RANBP2: variants seen among roughly 807,000 people sequenced by gnomAD.
RANBP2 encodes the protein E3 SUMO-protein ligase RanBP2.
A neutral mutation model predicts 303.6 loss-of-function variants in RANBP2; 57 were observed. That is an observed-to-expected ratio of 0.19 (90% CI 0.15 to 0.23). The LOEUF is 0.23. Among genes scored for constraint, RANBP2 ranks in the 10% least tolerant of loss-of-function variants. The pLI is 1.00. For synonymous variants in RANBP2, 1,167 were observed against 1,301.5 expected, an observed-to-expected ratio of 0.90 and a Z score of 2.23; for missense variants, 3,138 against 3,780.8, an observed-to-expected ratio of 0.83 and a Z score of 4.46.
intron 21 of RANBP2, 101 bp from the exon 22 acceptor site, chr2:108,772,388 C>A: frequency 1.1e-6 from 1 of 876,818 alleles, no homozygotes; most frequent in Non-Finnish European, 1.9e-6. Context: ...GGCTGCAATT[C>A]AGATGTGGAG....
the RANBP2 span, among the ~76,000 whole-genome samples, chr2:109,288,652 T>TG: frequency 2.6e-5 from 4 of 152,240 alleles, no homozygotes; most frequent in African/African-American, 9.6e-5. Context: ...GGAGACTGAC[T>TG]TCTTTTCACT....
At chr2:108,988,544 G>A in the RANBP2 span, among the ~76,000 whole-genome samples, 3 of 152,248 alleles carry the variant, frequency 2.0e-5, no homozygotes, top group South Asian at 4.2e-4. Context: ...CAGCGGGTAC[G>A]CAGAGTTGGA....
At chr2:109,615,025 C>G in the RANBP2 span, 1 of 1,547,166 alleles carries the variant, frequency 6.5e-7, no homozygotes, top group South Asian at 1.2e-5. Context: ...CTGGAGCTCC[C>G]GCCACATGGC....
At chr2:108,973,475 T>C in the RANBP2 span, among the ~76,000 whole-genome samples, 5 of 152,178 alleles carry the variant, frequency 3.3e-5, no homozygotes, top group Non-Finnish European at 5.9e-5. Flanking sequence ...TGCTTTCCAG[T>C]GCTTTCCAGT....
chr2:109,342,635 C>A, the RANBP2 span, among the ~76,000 whole-genome samples: 1 of 152,192 alleles, frequency 6.6e-6, no homozygotes, highest in African/African-American at 2.4e-5. Context: ...CGCTGCAGGC[C>A]GACTCTGGCA....
At chr2:108,772,262 G>A (rs891240159) in intron 21 of RANBP2, among the ~76,000 whole-genome samples, 16 of 152,176 alleles carry the variant, frequency 1.1e-4, no homozygotes, top group African/African-American at 3.9e-4. Context: ...GTGGTATATA[G>A]TATTGGGTTA....
intron 7 of RANBP2, among the ~76,000 whole-genome samples, chr2:108,746,335 T>C (rs913898507): frequency 2.0e-5 from 3 of 151,160 alleles, no homozygotes; most frequent in African/African-American, 7.3e-5. Flanking sequence ...GCCTCAGCCT[T>C]CCATGTAGCT....
At chr2:108,977,646 C>T in the RANBP2 span, among the ~76,000 whole-genome samples, 12 of 152,054 alleles carry the variant, frequency 7.9e-5, no homozygotes, top group African/African-American at 2.7e-4. Flanking sequence ...GACATCTGGA[C>T]GTCCTCCCTC....
At chr2:109,222,065 G>C in the RANBP2 span, among the ~76,000 whole-genome samples, 1 of 152,094 alleles carries the variant, frequency 6.6e-6, no homozygotes, top group Admixed American at 6.5e-5. Context: ...TGAAACTGCA[G>C]GTGGTTATGG....
At chr2:108,911,038 C>G in the RANBP2 span, 1 of 1,614,166 alleles carries the variant, frequency 6.2e-7, no homozygotes, top group Non-Finnish European at 8.5e-7. Context: ...TTGCAATGAT[C>G]AGGGCAGTGG....
At chr2:108,813,986 C>T in the RANBP2 span, among the ~76,000 whole-genome samples, 1 of 152,152 alleles carries the variant, frequency 6.6e-6, no homozygotes, top group Non-Finnish European at 1.5e-5. Flanking sequence ...TTCCTTCATT[C>T]TTCTGTTGAT....
the RANBP2 span, among the ~76,000 whole-genome samples, chr2:109,082,315 T>A: frequency 6.6e-6 from 1 of 152,144 alleles, no homozygotes; most frequent in Non-Finnish European, 1.5e-5. Context: ...TTATTTATTT[T>A]TTTGAGACAG....
At chr2:109,129,322 C>G in the RANBP2 span, 2 of 733,652 alleles carry the variant, frequency 2.7e-6, no homozygotes, top group Non-Finnish European at 4.5e-6. Context: ...TGGGCGGGCT[C>G]GGCTGGCCGG....
the RANBP2 span, chr2:109,614,636 C>T: frequency 8.9e-6 from 13 of 1,463,670 alleles, 1 homozygote; most frequent in Admixed American, 7.3e-5. Flanking sequence ...CGGAGCAGCG[C>T]GCCCGCGCCC....
chr2:109,586,989 T>A, the RANBP2 span, among the ~76,000 whole-genome samples: 20 of 151,908 alleles, frequency 1.3e-4, no homozygotes, highest in Admixed American at 1.3e-3. Context: ...AATAAAAAAA[T>A]TATGACAGGA....
At chr2:108,982,800 G>A in the RANBP2 span, among the ~76,000 whole-genome samples, 116,518 of 152,044 alleles carry the variant, frequency 0.77, 46,199 homozygotes, top group South Asian at 0.87. Flanking sequence ...ACGTCTGCCC[G>A]TAAAATGAGA....
At chr2:109,555,321 A>T in the RANBP2 span, among the ~76,000 whole-genome samples, 1 of 151,976 alleles carries the variant, frequency 6.6e-6, no homozygotes, top group Non-Finnish European at 1.5e-5. Context: ...AGCCACACCA[A>T]CCTGTTCATT....
chr2:109,519,269 G>A, the RANBP2 span, among the ~76,000 whole-genome samples: 3 of 152,000 alleles, frequency 2.0e-5, no homozygotes, highest in Non-Finnish European at 2.9e-5. Flanking sequence ...ACTCTAACAC[G>A]AGAACAGCAC....
chr2:109,420,550 A>G, the RANBP2 span, among the ~76,000 whole-genome samples: 1 of 152,072 alleles, frequency 6.6e-6, no homozygotes, highest in Non-Finnish European at 1.5e-5. Flanking sequence ...GGTTCACGCA[A>G]TTCTCCTGCC....
Sources: gnomAD v4.1 joint callset for allele counts (sites outside exome capture counted in the v4.1 genomes callset) on GRCh38, gnomAD v4.1.1 for gene constraint, MANE v1.5 for transcripts, NCBI Gene and HGNC (gene_info 2026-07-23, HGNC 2026-07-21) for gene names.